GALNTL6: variants seen among roughly 807,000 people sequenced by gnomAD.
The protein encoded by GALNTL6 is polypeptide N-acetylgalactosaminyltransferase like 6.
GALNTL6 carries 46 observed loss-of-function variants against 73.7 expected under a neutral mutation model. The ratio of observed to expected loss-of-function variants is 0.62; its 90% CI spans 0.49 to 0.80. The LOEUF is 0.80. GALNTL6 is among the 30% of genes least tolerant of loss of function. The probability of loss-of-function intolerance (pLI) is 0.00; values close to 1 mark genes in which losing one functional copy is unlikely to be tolerated. For missense variants in GALNTL6, 604 were observed against 755.0 expected (o/e 0.80, Z 2.34); for synonymous variants, 259 against 263.7 (o/e 0.98, Z 0.17).
At chr4:172,019,443 A>G (rs1331634539) in intron 2 of GALNTL6, among the ~76,000 whole-genome samples, 1 of 152,150 alleles carries the variant, frequency 6.6e-6, no homozygotes, top group Non-Finnish European at 1.5e-5. Context: ...CTATAAAGTT[A>G]CAAACAGACT....
At chr4:172,149,559 C>T (rs548146694) in intron 2 of GALNTL6, among the ~76,000 whole-genome samples, 5 of 152,284 alleles carry the variant, frequency 3.3e-5, no homozygotes, top group African/African-American at 1.2e-4. Flanking sequence ...CTGCTTATCT[C>T]TGGGCCTCTG....
intron 2 of GALNTL6, among the ~76,000 whole-genome samples, chr4:172,138,619 T>A (rs1733719446): frequency 7.6e-6 from 1 of 132,398 alleles, no homozygotes; most frequent in Non-Finnish European, 1.6e-5. Flanking sequence ...CAGCTCCACC[T>A]CCCGGGTTCA....
At chr4:172,348,165 ACCTT>A (rs1741815660) in intron 4 of GALNTL6, among the ~76,000 whole-genome samples, 2 of 152,202 alleles carry the variant, frequency 1.3e-5, no homozygotes, top group African/African-American at 2.4e-5. Flanking sequence ...GTCCATCTAA[ACCTT>A]AATTATGTGC....
In GALNTL6 at chr4:172,510,626, T is replaced by C. The variant is rs1223663053; in HGVS notation, c.553+161937T>C. ...CTTAAGTATGTCCTTTCTATGCCAA[T>C]TTTGTTGAGCATTTTAATGATAAAG... On this transcript the variant is annotated intron_variant, in intron 5 of 12. Transcript: ENST00000506823. Among the ~76,000 whole-genome samples, 2 of 54,962 alleles carry C rather than the reference T, an allele frequency of 3.6e-5. 1 individual carries two copies. Among genetic ancestry groups the C allele is most frequent in the Non-Finnish European group, 8.4e-5 (2 of 23,780 alleles). The allele number at this position is 54,962 out of a possible 152,430, so 36.1% of individuals were successfully genotyped here.
intron 5 of GALNTL6, among the ~76,000 whole-genome samples, chr4:172,569,169 C>T (rs951277901): frequency 1.3e-5 from 2 of 152,288 alleles, no homozygotes; most frequent in African/African-American, 4.8e-5. Flanking sequence ...ATTTGTTTCT[C>T]ATAGTTCTGG....
At chr4:172,745,339 G>C (rs1737046612) in intron 5 of GALNTL6, among the ~76,000 whole-genome samples, 1 of 151,530 alleles carries the variant, frequency 6.6e-6, no homozygotes, top group Non-Finnish European at 1.5e-5. Context: ...TAAAATTAGA[G>C]CTCTTATTAT....
intron 11 of GALNTL6, among the ~76,000 whole-genome samples, chr4:173,014,865 G>A (rs1376240221): frequency 2.0e-5 from 3 of 152,144 alleles, no homozygotes; most frequent in Non-Finnish European, 4.4e-5. Context: ...AGAAATAAGA[G>A]TTAACATTGT....
At chr4:172,910,996 C>T (rs935535719) in intron 8 of GALNTL6, among the ~76,000 whole-genome samples, 2 of 152,200 alleles carry the variant, frequency 1.3e-5, no homozygotes, top group Non-Finnish European at 2.9e-5. Flanking sequence ...GTCCCCAAGC[C>T]GGGTCATTGG....
At chr4:172,878,457 G>A (rs1279481327) in intron 7 of GALNTL6, among the ~76,000 whole-genome samples, 1 of 151,740 alleles carries the variant, frequency 6.6e-6, no homozygotes, top group African/African-American at 2.4e-5. Flanking sequence ...ACGTGTAAAA[G>A]TAAAATGTAT....
At chr4:172,071,379 C>T (rs1365190237) in intron 2 of GALNTL6, among the ~76,000 whole-genome samples, 1 of 110,318 alleles carries the variant, frequency 9.1e-6, no homozygotes, top group Non-Finnish European at 2.0e-5. Context: ...TTCATTTCTA[C>T]ACTGATGATA....
At chr4:171,849,292 A>T (rs1353072224) in intron 2 of GALNTL6, among the ~76,000 whole-genome samples, 1 of 152,194 alleles carries the variant, frequency 6.6e-6, no homozygotes, top group Non-Finnish European at 1.5e-5. Context: ...ACAGATGGGA[A>T]ACTCAGGTTG....
chr4:172,294,102 ATTTAT>A (rs1739574947), intron 3 of GALNTL6, among the ~76,000 whole-genome samples: 2 of 151,770 alleles, frequency 1.3e-5, no homozygotes, highest in Non-Finnish European at 1.5e-5. Context: ...TTATAAAATT[ATTTAT>A]TTTATTAGTC....
chr4:171,926,327 T>G (rs936150698), intron 2 of GALNTL6, among the ~76,000 whole-genome samples: 1 of 152,160 alleles, frequency 6.6e-6, no homozygotes, highest in Non-Finnish European at 1.5e-5. Flanking sequence ...GTATACTTTT[T>G]TACATTTCCA....
chr4:171,879,107 C>T (rs112738576), intron 2 of GALNTL6, among the ~76,000 whole-genome samples: 116 of 152,028 alleles, frequency 7.6e-4, no homozygotes, highest in African/African-American at 2.5e-3. Flanking sequence ...AAACTAATAC[C>T]GTATTGAAGA....
At chr4:172,617,298 A>T (rs1738777521) in intron 5 of GALNTL6, among the ~76,000 whole-genome samples, 2 of 151,606 alleles carry the variant, frequency 1.3e-5, no homozygotes, top group South Asian at 2.1e-4. Context: ...TAAACTAGCT[A>T]TTGAGGATAC....
At chr4:172,014,621 T>A (rs1455347293) in intron 2 of GALNTL6, among the ~76,000 whole-genome samples, 1 of 152,098 alleles carries the variant, frequency 6.6e-6, no homozygotes, top group Non-Finnish European at 1.5e-5. Flanking sequence ...GTTTCTCTAG[T>A]TACTTGAGGT....
intron 2 of GALNTL6, among the ~76,000 whole-genome samples, chr4:171,886,111 C>A (rs1454358378): frequency 1.3e-5 from 2 of 151,802 alleles, no homozygotes; most frequent in Non-Finnish European, 2.9e-5. Flanking sequence ...TAAAAAAATA[C>A]CATCATAAAT....
At chr4:172,994,221 A>G (rs1034022507) in intron 10 of GALNTL6, among the ~76,000 whole-genome samples, 7 of 152,196 alleles carry the variant, frequency 4.6e-5, no homozygotes, top group African/African-American at 1.7e-4. Context: ...TGGAAGGAGT[A>G]TATTTGCTTT....
In GALNTL6 at chr4:172,339,252, A is replaced by AC. The variant is rs1303701099; in HGVS notation, c.387-9270dup. ...GCTGGGGCACCCAGCAAACACACAC[A>AC]CACACCACACACACACACACACACA... On this transcript the variant is annotated intron_variant, in intron 4 of 12. Coordinates refer to ENST00000506823, the MANE Select transcript of GALNTL6 (RefSeq NM_001034845.3). Among the ~76,000 whole-genome samples, 5 of 137,372 alleles carry AC rather than the reference A, an allele frequency of 3.6e-5. No homozygotes were observed. In the East Asian group the frequency reaches 1.1e-3, roughly 30 times the overall value. The allele number at this position is 137,372 out of a possible 152,430, so 90.1% of individuals were successfully genotyped here. A position where few individuals can be genotyped will look rare whatever the true frequency, so the allele number is the denominator to read the frequency against.
Sources: gnomAD v4.1 joint callset for allele counts (sites outside exome capture counted in the v4.1 genomes callset) on GRCh38, gnomAD v4.1.1 for gene constraint, MANE v1.5 for transcripts, NCBI Gene and HGNC (gene_info 2026-07-23, HGNC 2026-07-21) for gene names.